The following FAM185A variants were observed in gnomAD, a reference collection of about 807,000 sequenced individuals.
FAM185A encodes family with sequence similarity 185 member A, also known as protein FAM185A.
In FAM185A, 21 loss-of-function variants were observed where a neutral mutation model predicts 45.7. The ratio of observed to expected loss-of-function variants is 0.46; its 90% CI spans 0.33 to 0.66. The LOEUF (loss-of-function observed/expected upper bound fraction) is 0.66, where lower values mean the gene tolerates loss of function less well. FAM185A is among the 30% of genes least tolerant of loss of function. FAM185A has a pLI of 0.03. For missense variants in FAM185A, 305 were observed against 485.4 expected, an observed-to-expected ratio of 0.63 and a Z score of 3.49; for synonymous variants, 117 against 194.0, an observed-to-expected ratio of 0.60 and a Z score of 3.30.
chr7:102,775,262 T>TTA (rs1794991420), intron 5 of FAM185A, among the ~76,000 whole-genome samples: 1 of 152,236 alleles, frequency 6.6e-6, no homozygotes, highest in African/African-American at 2.4e-5. Context: ...CACTGTGCTA[T>TTA]ACATTAGATC....
chr7:102,822,826 ACTTTGGTAGGCTGAGGCAGGCAGAT>A, the FAM185A span, among the ~76,000 whole-genome samples: 1 of 152,200 alleles, frequency 6.6e-6, no homozygotes, highest in African/African-American at 2.4e-5. Flanking sequence ...TGATCCCAGC[ACTTTGGTAGGCTGAGGCAGGCAGAT>A]TGCTTGAACC....
At chr7:102,779,691 GTTTT>G (rs1246595700) in intron 6 of FAM185A, 3 of 151,904 alleles carry the variant, frequency 2.0e-5, no homozygotes, top group African/African-American at 7.3e-5. Context: ...AAGCAATTAA[GTTTT>G]TTGTTTTTGT....
chr7:102,772,895 G>A (rs1584305576), intron 5 of FAM185A, among the ~76,000 whole-genome samples: 1 of 151,816 alleles, frequency 6.6e-6, no homozygotes, highest in African/African-American at 2.4e-5. Flanking sequence ...AGGTACTAGG[G>A]AACATATTGG....
At chr7:102,813,573 C>A, downstream of FAM185A, 2 of 1,576,944 alleles carry the variant, frequency 1.3e-6, no homozygotes, top group Non-Finnish European at 1.7e-6. Flanking sequence ...GCAGAAGTAA[C>A]CCCTAGTGCA....
chr7:102,762,684 T>G (rs79994117), intron 4 of FAM185A, among the ~76,000 whole-genome samples: 13,026 of 152,174 alleles, frequency 0.086, 804 homozygotes, highest in East Asian at 0.2. Context: ...AAAAAAAATT[T>G]TAAAAAGCAT....
chr7:102,815,622 G>T, the FAM185A span, among the ~76,000 whole-genome samples: 2 of 151,242 alleles, frequency 1.3e-5, no homozygotes, highest in Admixed American at 1.3e-4. Flanking sequence ...CACAGTTAGA[G>T]GCAACAATGA....
the FAM185A span, chr7:102,832,835 C>A: frequency 6.2e-7 from 1 of 1,614,132 alleles, no homozygotes. Flanking sequence ...GACTCCTGCA[C>A]ATACCTTTGG....
chr7:102,843,643 G>A, the FAM185A span, among the ~76,000 whole-genome samples: 2 of 151,954 alleles, frequency 1.3e-5, no homozygotes, highest in Non-Finnish European at 2.9e-5. Flanking sequence ...AGACATGGTC[G>A]TGGGCACCTG....
At chr7:102,819,263 G>A in the FAM185A span, among the ~76,000 whole-genome samples, 74 of 152,146 alleles carry the variant, frequency 4.9e-4, no homozygotes, top group South Asian at 1.5e-3. Flanking sequence ...ATAGCTTGTC[G>A]TTTTCTGATC....
At chr7:102,810,580 A>G (rs556645687), downstream of FAM185A, among the ~76,000 whole-genome samples, 104 of 151,420 alleles carry the variant, frequency 6.9e-4, no homozygotes, top group African/African-American at 2.4e-3. Flanking sequence ...CTTTCCAAAT[A>G]TTATTATTTA....
chr7:102,807,293 T>C (rs1797176179), intron 7 of FAM185A, among the ~76,000 whole-genome samples: 1 of 152,108 alleles, frequency 6.6e-6, no homozygotes. Flanking sequence ...ATTAAGGAAA[T>C]ATGGTTCACA....
At chr7:102,774,653 A>G (rs1225551064) in intron 5 of FAM185A, among the ~76,000 whole-genome samples, 1 of 152,196 alleles carries the variant, frequency 6.6e-6, no homozygotes, top group African/African-American at 2.4e-5. Flanking sequence ...TTGTTCGTGA[A>G]TGAGTGTTGA....
In FAM185A at chr7:102,808,466, T is replaced by G. The variant is rs1038907395; in HGVS notation, c.*64T>G. ...TCGCAGATCTGTGACTACAAAAATGTAAATCCCACCATTCATATAAAGGTT... is the reference window on the plus strand; with the variant it reads ...TCGCAGATCTGTGACTACAAAAATGGAAATCCCACCATTCATATAAAGGTT... On this transcript the variant is annotated 3_prime_UTR_variant, in exon 8 of 8. Transcript: ENST00000413034. The G allele has an allele frequency of 3.1e-6, 3 of 977,086 alleles. No individual in the cohort carries two copies. In the African/African-American group the frequency reaches 4.9e-5, roughly 16 times the overall value. The allele number at this position is 977,086 out of a possible 1,614,324, so 60.5% of individuals were successfully genotyped here.
At chr7:102,757,261 G>A (rs1793805822) in intron 2 of FAM185A, among the ~76,000 whole-genome samples, 1 of 151,758 alleles carries the variant, frequency 6.6e-6, no homozygotes, top group Non-Finnish European at 1.5e-5. Flanking sequence ...TTAAGAGTGT[G>A]GGCTTTGGAA....
chr7:102,849,492 G>C, the FAM185A span, among the ~76,000 whole-genome samples: 1 of 152,256 alleles, frequency 6.6e-6, no homozygotes, highest in African/African-American at 2.4e-5. Flanking sequence ...GAATTATGTA[G>C]TGTGTAAGTT....
the FAM185A span, among the ~76,000 whole-genome samples, chr7:102,837,273 T>C: frequency 3.3e-5 from 5 of 152,112 alleles, no homozygotes; most frequent in Admixed American, 1.3e-4. Context: ...ACTCTTGCAT[T>C]CCCACCTTCC....
At chr7:102,771,185 ACAG>A (rs1216165346) in intron 4 of FAM185A, among the ~76,000 whole-genome samples, 1 of 152,074 alleles carries the variant, frequency 6.6e-6, no homozygotes, top group African/African-American at 2.4e-5. Flanking sequence ...AAAGATGGCA[ACAG>A]TAGAAACTGG....
intron 7 of FAM185A, among the ~76,000 whole-genome samples, chr7:102,795,394 A>G (rs1052627992): frequency 2.6e-5 from 4 of 152,170 alleles, no homozygotes; most frequent in African/African-American, 9.7e-5. Flanking sequence ...AGAAAGAAAA[A>G]TAATGAAGTC....
At chr7:102,755,887 T>C in intron 2 of FAM185A, 1 of 697,812 alleles carries the variant, frequency 1.4e-6, no homozygotes, top group African/African-American at 1.8e-5. Flanking sequence ...GTGGCTCACA[T>C]TGCCAAGCTC....
Sources: gnomAD v4.1 joint callset for allele counts (sites outside exome capture counted in the v4.1 genomes callset) on GRCh38, gnomAD v4.1.1 for gene constraint, MANE v1.5 for transcripts, NCBI Gene and HGNC (gene_info 2026-07-23, HGNC 2026-07-21) for gene names.